Variants in POU6F2 observed in about 807,000 individuals in gnomAD.
POU6F2 encodes the protein POU class 6 homeobox 2, also known as POU domain, class 6, transcription factor 2.
In POU6F2, 31 loss-of-function variants were observed where a neutral mutation model predicts 71.3. The ratio of observed to expected loss-of-function variants is 0.43; its 90% confidence interval spans 0.33 to 0.59. The LOEUF is 0.59. Among genes scored for constraint, POU6F2 ranks in the 20% least tolerant of loss-of-function variants. POU6F2 has a pLI of 0.04. For missense variants in POU6F2, 783 were observed against 856.8 expected (o/e 0.91, Z 1.07); for synonymous variants, 347 against 355.7 (o/e 0.98, Z 0.27).
At chr7:39,454,386 G>T (rs1412433233) in intron 8 of POU6F2, among the ~76,000 whole-genome samples, 1 of 151,798 alleles carries the variant, frequency 6.6e-6, no homozygotes, top group Non-Finnish European at 1.5e-5. Context: ...TGGAGGTGGG[G>T]CTAAAAGCTT....
intron 1 of POU6F2, among the ~76,000 whole-genome samples, chr7:39,018,918 C>A (rs13244920): frequency 3.2e-4 from 48 of 151,994 alleles, no homozygotes; most frequent in Non-Finnish European, 1.5e-4. Context: ...AATTCATTTG[C>A]TTCTTGGAAA....
chr7:39,123,444 G>A (rs1792084316), intron 2 of POU6F2, among the ~76,000 whole-genome samples: 1 of 152,232 alleles, frequency 6.6e-6, no homozygotes, highest in African/African-American at 2.4e-5. Flanking sequence ...TTAGATACTT[G>A]TGAAAATTAT....
At chr7:39,366,087 C>T (rs1018723116) in intron 5 of POU6F2, among the ~76,000 whole-genome samples, 1 of 152,112 alleles carries the variant, frequency 6.6e-6, no homozygotes, top group Non-Finnish European at 1.5e-5. Context: ...TTATAAATTC[C>T]AGTGGGGTTA....
intron 4 of POU6F2, among the ~76,000 whole-genome samples, chr7:39,252,952 C>T (rs1173311947): frequency 3.3e-5 from 5 of 152,194 alleles, no homozygotes; most frequent in African/African-American, 9.7e-5. Context: ...TGTACCACCT[C>T]CTAGCCCCCA....
chr7:39,398,631 A>G (rs542426261), intron 5 of POU6F2, among the ~76,000 whole-genome samples: 99 of 152,326 alleles, frequency 6.5e-4, no homozygotes, highest in African/African-American at 2.3e-3. Context: ...ATCTGGGAGA[A>G]TGGGAAAAAG....
chr7:39,392,784 C>G (rs1439889624), intron 5 of POU6F2, among the ~76,000 whole-genome samples: 1 of 152,170 alleles, frequency 6.6e-6, no homozygotes, highest in Non-Finnish European at 1.5e-5. Flanking sequence ...GCCCAGGTGC[C>G]CAGACTTTGA....
chr7:39,012,068 C>T (rs1584497078), intron 1 of POU6F2, among the ~76,000 whole-genome samples: 1 of 151,924 alleles, frequency 6.6e-6, no homozygotes, highest in Admixed American at 6.6e-5. Context: ...TGAACGTTGG[C>T]CTGCCTTGCT....
intron 1 of POU6F2, among the ~76,000 whole-genome samples, chr7:39,069,912 T>C (rs572152727): frequency 9.2e-5 from 14 of 152,280 alleles, no homozygotes; most frequent in African/African-American, 3.4e-4. Context: ...TGGACCCTTG[T>C]GGTGCAGACC....
chr7:39,053,222 C>T (rs773290602), intron 1 of POU6F2, among the ~76,000 whole-genome samples: 2 of 152,098 alleles, frequency 1.3e-5, no homozygotes, highest in Admixed American at 6.6e-5. Flanking sequence ...TTTTGCATCA[C>T]AGCTTTTGCA....
chr7:39,260,987 C>T (rs943558772), intron 4 of POU6F2, among the ~76,000 whole-genome samples: 2 of 151,772 alleles, frequency 1.3e-5, no homozygotes, highest in African/African-American at 4.8e-5. Flanking sequence ...TCATATCACA[C>T]ACACATCACA....
In POU6F2 at chr7:39,149,046, G is replaced by T. The variant is rs572893559; in HGVS notation, c.278-55189G>T. Among the ~76,000 whole-genome samples the T allele has an allele frequency of 7.2e-5, 11 of 152,306 alleles. No homozygotes were observed. The South Asian group carries it at 1.7e-3, about 23-fold the overall frequency. Reference sequence around the variant, plus strand: ...GAAGTTGAAGATCCAGGAGAGGGAGGGAGGGGATTGTTGATGAGGGAGGAC... The same window carrying T: ...GAAGTTGAAGATCCAGGAGAGGGAGTGAGGGGATTGTTGATGAGGGAGGAC... On this transcript the variant is annotated intron_variant, in intron 2 of 9. Transcript: ENST00000518318.
intron 1 of POU6F2, among the ~76,000 whole-genome samples, chr7:39,015,656 T>TAA (rs1789471236): frequency 9.1e-6 from 1 of 110,352 alleles, no homozygotes; most frequent in South Asian, 2.6e-4. Flanking sequence ...TAGATATATA[T>TAA]TATATATAGA....
At chr7:39,434,940 A>G (rs1487192673) in intron 7 of POU6F2, among the ~76,000 whole-genome samples, 1 of 152,178 alleles carries the variant, frequency 6.6e-6, no homozygotes, top group South Asian at 2.1e-4. Context: ...AGCTTCATCC[A>G]TATCCCTGCA....
At chr7:39,277,786 C>T (rs146668727) in intron 4 of POU6F2, among the ~76,000 whole-genome samples, 332 of 152,110 alleles carry the variant, frequency 2.2e-3, no homozygotes, top group Non-Finnish European at 3.9e-3. Flanking sequence ...GGGCCAGGAG[C>T]GGTGGCTCAC....
chr7:39,313,968 G>C (rs978854389), intron 4 of POU6F2, among the ~76,000 whole-genome samples: 2 of 152,172 alleles, frequency 1.3e-5, no homozygotes, highest in African/African-American at 4.8e-5. Context: ...ACCATCTAAA[G>C]GAAGTTTAGT....
chr7:39,181,282 G>A (rs1002829048), intron 2 of POU6F2, among the ~76,000 whole-genome samples: 4 of 152,010 alleles, frequency 2.6e-5, no homozygotes, highest in African/African-American at 7.3e-5. Context: ...CTGATATGCC[G>A]CATCTCTTGC....
intron 4 of POU6F2, among the ~76,000 whole-genome samples, chr7:39,243,223 G>T (rs545467189): frequency 6.6e-6 from 1 of 152,186 alleles, no homozygotes; most frequent in East Asian, 1.9e-4. Context: ...GATCAAGAGT[G>T]GTGGCCCCCA....
chr7:39,430,093 G>A (rs1788065146), intron 6 of POU6F2, among the ~76,000 whole-genome samples: 1 of 152,186 alleles, frequency 6.6e-6, no homozygotes, highest in Non-Finnish European at 1.5e-5. Flanking sequence ...AGGCACATCA[G>A]AGAATATTTA....
At chr7:39,210,362 G>A (rs994947187) in intron 4 of POU6F2, among the ~76,000 whole-genome samples, 1 of 151,948 alleles carries the variant, frequency 6.6e-6, no homozygotes, top group African/African-American at 2.4e-5. Context: ...CAGCCCTCTA[G>A]CCTGTCTATT....
Sources: gnomAD v4.1 joint callset for allele counts (sites outside exome capture counted in the v4.1 genomes callset) on GRCh38, gnomAD v4.1.1 for gene constraint, MANE v1.5 for transcripts, NCBI Gene and HGNC (gene_info 2026-07-23, HGNC 2026-07-21) for gene names.